CD163L1: variants seen among roughly 807,000 people sequenced by gnomAD.
The protein encoded by CD163L1 is scavenger receptor cysteine-rich type 1 protein M160.
In CD163L1, 124 loss-of-function variants were observed where a neutral mutation model predicts 165.4. That is an observed-to-expected ratio of 0.75 (90% CI 0.65 to 0.87). The LOEUF (loss-of-function observed/expected upper bound fraction) is 0.87. Among genes scored for constraint, CD163L1 ranks in the 40% least tolerant of loss-of-function variants. The pLI is 0.00. For missense variants in CD163L1, 1,525 were observed against 1,799.9 expected, an observed-to-expected ratio of 0.85 and a Z score of 2.76; for synonymous variants, 585 against 662.2, an observed-to-expected ratio of 0.88 and a Z score of 1.79.
chr12:7,420,834 T>G (rs1361006383), intron 4 of CD163L1, among the ~76,000 whole-genome samples: 2 of 151,344 alleles, frequency 1.3e-5, no homozygotes, highest in Non-Finnish European at 2.9e-5. Context: ...GACCCAACAA[T>G]CCCACTACTG....
chr12:7,421,011 G>T (rs868024772), intron 4 of CD163L1, among the ~76,000 whole-genome samples: 2 of 92,710 alleles, frequency 2.2e-5, no homozygotes, highest in South Asian at 3.3e-4. Context: ...ATATATATAC[G>T]TGTATATATA....
chr12:7,375,673 C>A, intron 10 of CD163L1, 27 bp downstream of exon 10: 6 of 1,612,124 alleles, frequency 3.7e-6, no homozygotes, highest in Non-Finnish European at 5.1e-6. Context: ...CTAGCCCCAG[C>A]CAATTAAGAT....
rs1947189825 is a variant in CD163L1 at position 7,373,565 on chromosome 12, C to T, written c.3485G>A (p.Gly1162Glu). 1 of 1,613,802 alleles carries T rather than the reference C, an allele frequency of 6.2e-7. No individual in the cohort carries two copies. The highest frequency in any genetic ancestry group is 1.3e-5 in the African/African-American group (1 of 74,916). ...CCTCCTGCCGACGCTGCCCCAGGTC[C>T]CGTTATAGAAGACTTCCAATCTCCC... ...CAGRLEVFYN[G>E]TWGSVGRRNI... is the part of the protein sequence containing the mutation. Residue 1162 changes from glycine to glutamate, a missense_variant, in exon 14 of 20, where the codon GGG (glycine) becomes GAG (glutamate). Transcript: ENST00000313599.
intron 4 of CD163L1, among the ~76,000 whole-genome samples, chr12:7,423,553 A>G (rs1948481537): frequency 6.6e-6 from 1 of 152,166 alleles, no homozygotes; most frequent in South Asian, 2.1e-4. Context: ...GGTTTTTTGA[A>G]AAGATTAACA....
rs1042890625 is a variant in CD163L1, at chr12:7,372,140, C to A, written c.3730+1180G>T. On this transcript the variant is annotated intron_variant, in intron 14 of 19. Transcript: ENST00000313599. This position sits in a 1 kb window ranked among gnomAD's most constrained non-coding sequence, Gnocchi z 4.2. ...ATATCCACTACTAACCAAACCCATG[C>A]AAATTATGTTGATTTAGGTGAAATT... Among the ~76,000 whole-genome samples the A allele has an allele frequency of 8.6e-5, 13 of 151,898 alleles. No homozygotes were observed. Among genetic ancestry groups the A allele is most frequent in the African/African-American group, 2.9e-4 (12 of 41,360 alleles).
intron 4 of CD163L1, among the ~76,000 whole-genome samples, chr12:7,421,444 T>TATAC (rs1396596417): frequency 2.7e-5 from 3 of 111,102 alleles, no homozygotes; most frequent in Non-Finnish European, 5.3e-5. Flanking sequence ...TATATACATA[T>TATAC]ACATATATGT....
At position 7,406,721 on chromosome 12, in the gene CD163L1, A is replaced by G. The variant is rs1242093471; in HGVS notation, c.898T>C (p.Cys300Arg). The change falls in exon 5 of 20, where the codon TGC becomes CGC. Residue 300 changes from cysteine (C) to arginine (R), a missense_variant. Physicochemically the swap from Cys to Arg is radical, Grantham distance 180 (BLOSUM62 -3). Coordinates refer to ENST00000313599, the MANE Select transcript of CD163L1 (RefSeq NM_174941.6). ...KWNNAAADVV[C>R]KQLGCGTALH... Reference sequence around the variant, plus strand: ...GCGGTTCCACATCCCAACTGCTTGCATACGACATCAGCTGCAGCATTGTTC... The same window carrying G: ...GCGGTTCCACATCCCAACTGCTTGCGTACGACATCAGCTGCAGCATTGTTC... The G allele has an allele frequency of 1.2e-6, 2 of 1,613,996 alleles. No individual in the cohort carries two copies. The highest frequency in any genetic ancestry group is 1.7e-5 in the Admixed American group (1 of 59,978).
chr12:7,367,088 T>G, intron 18 of CD163L1, 148 bp downstream of exon 18: 1 of 430,424 alleles, frequency 2.3e-6, no homozygotes, highest in Admixed American at 3.7e-5. Flanking sequence ...CATATTTTAT[T>G]TTATCTATTC....
At chr12:7,383,967 G>A (rs930867160) in intron 8 of CD163L1, among the ~76,000 whole-genome samples, 1 of 151,970 alleles carries the variant, frequency 6.6e-6, no homozygotes, top group Non-Finnish European at 1.5e-5. Context: ...CCACATTTCA[G>A]CAAAAAGAAA....
At chr12:7,353,963 AT>A (rs1254479159), downstream of CD163L1, among the ~76,000 whole-genome samples, 1 of 152,074 alleles carries the variant, frequency 6.6e-6, no homozygotes, top group Non-Finnish European at 1.5e-5. Context: ...CTGCAAACAT[AT>A]TGCAAAGAGA....
rs1565783990 is a variant in CD163L1 at position 7,380,293 on chromosome 12, G to GTATACACATATACATACATA, written c.2051-996_2051-995insTATGTATGTATATGTGTATA. ...AACTGTGGTGTGTGTGTGTGTGTGT[G>GTATACACATATACATACATA]TGTGTGTGTATACACATATACATAC... On this transcript the variant is annotated intron_variant, in intron 8 of 19. Transcript: ENST00000313599. Among the ~76,000 whole-genome samples the GTATACACATATACATACATA allele has an allele frequency of 6.2e-4, 72 of 115,834 alleles. 1 individual carries two copies. Among genetic ancestry groups the GTATACACATATACATACATA allele is most frequent in the Admixed American group, 1.1e-3 (13 of 11,754 alleles). The allele number at this position is 115,834 out of a possible 152,430, so 76.0% of individuals were successfully genotyped here.
rs1011617328 is a variant in CD163L1 at position 7,372,419 on chromosome 12, G to A, written c.3730+901C>T. Among the ~76,000 whole-genome samples, 4 of 151,920 alleles carry A rather than the reference G, an allele frequency of 2.6e-5. No homozygotes were observed. Among genetic ancestry groups the A allele is most frequent in the African/African-American group, 9.7e-5 (4 of 41,384 alleles). On this transcript the variant is annotated intron_variant, in intron 14 of 19. Transcript: ENST00000313599. This position sits in a 1 kb window ranked among gnomAD's most constrained non-coding sequence, Gnocchi z 4.2. ...CAGAGATTCACCGAAAATGAATAAG[G>A]ATGCTTATAATGGCATTATTTATAC...
At chr12:7,349,558 C>T (rs1035792086) in intron 4 of CD163L1, among the ~76,000 whole-genome samples, 4 of 152,118 alleles carry the variant, frequency 2.6e-5, no homozygotes, top group African/African-American at 9.7e-5. Flanking sequence ...TAACAAACCA[C>T]AGGGAAAGGT....
the CD163L1 span, among the ~76,000 whole-genome samples, chr12:7,333,361 G>A: frequency 6.6e-6 from 1 of 152,152 alleles, no homozygotes; most frequent in Admixed American, 6.6e-5. Flanking sequence ...CAACCACATG[G>A]AAACTGAACA....
chr12:7,406,240 C>A (rs1294011571), intron 5 of CD163L1, among the ~76,000 whole-genome samples: 3 of 152,102 alleles, frequency 2.0e-5, no homozygotes, highest in African/African-American at 7.2e-5. Context: ...AGATTAACAG[C>A]AATTTTGACT....
chr12:7,431,157 TCACGGCTGTAATCCCTG>T (rs1948621164), intron 4 of CD163L1, among the ~76,000 whole-genome samples: 1 of 152,102 alleles, frequency 6.6e-6, no homozygotes, highest in East Asian at 1.9e-4. Context: ...GTGCGGTGGC[TCACGGCTGTAATCCCTG>T]CACTTTGGGA....
intron 8 of CD163L1, among the ~76,000 whole-genome samples, chr12:7,392,375 A>T (rs1223445400): frequency 6.6e-6 from 1 of 152,208 alleles, no homozygotes; most frequent in Non-Finnish European, 1.5e-5. Context: ...TTTGAAACCA[A>T]CGAGAACAAA....
the CD163L1 span, among the ~76,000 whole-genome samples, chr12:7,331,064 A>G: frequency 6.6e-6 from 1 of 152,228 alleles, no homozygotes; most frequent in African/African-American, 2.4e-5. Flanking sequence ...GATGGCACCT[A>G]GAAAATTGGG....
chr12:7,437,098 G>A (rs994901615), intron 2 of CD163L1, among the ~76,000 whole-genome samples: 2 of 146,536 alleles, frequency 1.4e-5, no homozygotes, highest in South Asian at 2.2e-4. Context: ...TTCTCTGGAT[G>A]TTAATATATT....
Sources: gnomAD v4.1 joint callset for allele counts (sites outside exome capture counted in the v4.1 genomes callset) on GRCh38, gnomAD v4.1.1 for gene constraint, Gnocchi (gnomAD v3.1) non-coding constraint, MANE v1.5 for transcripts, NCBI Gene and HGNC (gene_info 2026-07-23, HGNC 2026-07-21) for gene names.